The following NFAM1 variants were observed in gnomAD, a reference collection of about 807,000 sequenced individuals.
NFAM1 encodes the protein NFAT activating protein with ITAM motif 1.
In NFAM1, 17 loss-of-function variants were observed where a neutral mutation model predicts 29.0. The observed-to-expected ratio is 0.59, with a 90% confidence interval of 0.40 to 0.88. The LOEUF (loss-of-function observed/expected upper bound fraction) is 0.88, where lower values mean the gene tolerates loss of function less well. Ranked by LOEUF, NFAM1 falls within the 40% of genes least tolerant of loss-of-function variation. NFAM1 has a pLI of 0.00. For missense variants in NFAM1, 324 were observed against 344.6 expected (o/e 0.94, Z 0.47); for synonymous variants, 175 against 147.2 (o/e 1.19, Z -1.36).
At chr22:42,403,226 T>A (rs1929786689) in intron 3 of NFAM1, among the ~76,000 whole-genome samples, 1 of 152,190 alleles carries the variant, frequency 6.6e-6, no homozygotes, top group South Asian at 2.1e-4. Context: ...CAGCTCAAGC[T>A]CGCAGAGGTT....
intron 4 of NFAM1, among the ~76,000 whole-genome samples, chr22:42,395,532 G>T (rs1929490576): frequency 1.3e-5 from 2 of 150,808 alleles, no homozygotes; most frequent in Admixed American, 1.3e-4. Flanking sequence ...AATGAGGATT[G>T]GAAAGGAAAA....
rs1160497941 is a variant in NFAM1 at position 42,409,527 on chromosome 22, G to A, written c.472C>T (p.Pro158Ser). 1.3e-6 allele frequency: 2 copies of A among 1,541,256 alleles called. No homozygotes were observed. The highest frequency in any genetic ancestry group is 1.2e-5 in the South Asian group (1 of 81,638). The change falls in exon 3 of 6, where the codon CCG becomes TCG. Residue 158 changes from proline (P) to serine (S), a missense_variant. Pro to Ser is a moderately conservative substitution (Grantham distance 74, BLOSUM62 -1). Transcript: ENST00000329021. The surrounding 1 kb of genome is among the most constrained non-coding windows in gnomAD (Gnocchi z 4.9). ...LVRDAGYREP[P>S]QSPQKLLLFG... ...AGCAGGAGCTTCTGTGGACTCTGCGGGGGCTCTCGGTACCCTGCGTCTAGG... is the reference window on the plus strand; with the variant it reads ...AGCAGGAGCTTCTGTGGACTCTGCGAGGGCTCTCGGTACCCTGCGTCTAGG...
Position 42,409,582 on chromosome 22 carries a change from G to T in NFAM1, c.452-35C>A. 9.0e-7 allele frequency: 1 copy of T among 1,115,108 alleles called. No homozygotes were observed. The highest frequency in any genetic ancestry group is 1.7e-5 in the South Asian group (1 of 57,314). The allele number at this position is 1,115,108 out of a possible 1,614,324, so 69.1% of individuals were successfully genotyped here. A position where few individuals can be genotyped will look rare whatever the true frequency, so the allele number is the denominator to read the frequency against. On this transcript the variant is annotated intron_variant, in intron 2 of 5. Coordinates refer to ENST00000329021, the MANE Select transcript of NFAM1 (RefSeq NM_145912.8). This position sits in a 1 kb window ranked among gnomAD's most constrained non-coding sequence, Gnocchi z 4.9. ...AGCGCAGGGGAGCAGAGGGGTCAGTGACCCAGGAGAAAGCGGGGCACACAC... is the reference window on the plus strand; with the variant it reads ...AGCGCAGGGGAGCAGAGGGGTCAGTTACCCAGGAGAAAGCGGGGCACACAC...
intron 4 of NFAM1, among the ~76,000 whole-genome samples, chr22:42,387,416 T>C (rs1365177111): frequency 6.6e-6 from 1 of 151,862 alleles, no homozygotes; most frequent in Non-Finnish European, 1.5e-5. Flanking sequence ...TGCCTGTCCC[T>C]AGGCTCTTAA....
intron 3 of NFAM1, among the ~76,000 whole-genome samples, chr22:42,401,743 C>G (rs1021214850): frequency 6.6e-6 from 1 of 152,150 alleles, no homozygotes; most frequent in Admixed American, 6.5e-5. Context: ...CCAAGTCTCC[C>G]CTCCCTAGTA....
In NFAM1 at chr22:42,387,089, C is replaced by T. The variant is rs749377063; in HGVS notation, c.664-11G>A. On this transcript the variant is annotated splice_polypyrimidine_tract_variant and intron_variant, in intron 4 of 5. Coordinates refer to ENST00000329021, the MANE Select transcript of NFAM1 (RefSeq NM_145912.8). ...GCGGCGCTGCAGAGCCTACAGGAAACGGGGTGCCAGGATCAGGGGCAAGTG... is the reference window on the plus strand; with the variant it reads ...GCGGCGCTGCAGAGCCTACAGGAAATGGGGTGCCAGGATCAGGGGCAAGTG... 2.8e-5 allele frequency: 43 copies of T among 1,541,320 alleles called. No homozygotes were observed. The highest frequency in any genetic ancestry group is 3.4e-4 in the Middle Eastern group (2 of 5,920).
In NFAM1 at chr22:42,409,350, C is replaced by T; in HGVS notation, c.564+85G>A. On this transcript the variant is annotated intron_variant, in intron 3 of 5. Coordinates refer to ENST00000329021, the MANE Select transcript of NFAM1 (RefSeq NM_145912.8). The surrounding 1 kb of genome is among the most constrained non-coding windows in gnomAD (Gnocchi z 4.9). ...ATGTGGATGTGCCCTCACCAGGGCC[C>T]ACCAAACGCCCTGCAGAGGGCAGGC... The T allele has an allele frequency of 3.0e-6, 2 of 676,028 alleles. No individual in the cohort carries two copies. The highest frequency in any genetic ancestry group is 5.5e-5 in the South Asian group (2 of 36,674). 41.9% of individuals were successfully genotyped at this position (676,028 alleles called of 1,614,324 possible). A position where few individuals can be genotyped will look rare whatever the true frequency, so the allele number is the denominator to read the frequency against.
At position 42,384,693 on chromosome 22, in the gene NFAM1, T is replaced by C; in HGVS notation, c.*468A>G. On this transcript the variant is annotated 3_prime_UTR_variant, in exon 6 of 6. Coordinates refer to ENST00000329021, the MANE Select transcript of NFAM1 (RefSeq NM_145912.8). ...CTGGGTAGGTAGGGATTTGCATAGC[T>C]GCTCCCCAGCTCCTCCATACCTCGG... 5.6e-6 allele frequency: 1 copy of C among 177,958 alleles called. No homozygotes were observed. The highest frequency in any genetic ancestry group is 1.2e-4 in the South Asian group (1 of 8,342). The allele number at this position is 177,958 out of a possible 1,614,324, so 11.0% of individuals were successfully genotyped here. A position where few individuals can be genotyped will look rare whatever the true frequency, so the allele number is the denominator to read the frequency against.
intron 1 of NFAM1, among the ~76,000 whole-genome samples, chr22:42,422,513 G>A (rs983105871): frequency 2.0e-5 from 3 of 152,114 alleles, no homozygotes; most frequent in Admixed American, 2.0e-4. Flanking sequence ...GGCTGGGCAG[G>A]AGAATCGCTT....
rs777944738 is a variant in NFAM1, at chr22:42,409,251, G to A, written c.564+184C>T. On this transcript the variant is annotated intron_variant, in intron 3 of 5. Coordinates refer to ENST00000329021, the MANE Select transcript of NFAM1 (RefSeq NM_145912.8). The surrounding 1 kb of genome is among the most constrained non-coding windows in gnomAD (Gnocchi z 4.9). ...GCAACAAGATCAAAAGGCACCCCAT[G>A]GCAGCACAGGGAGTGGCACAGGAGG... Among the ~76,000 whole-genome samples, 63 of 152,196 alleles carry A rather than the reference G, an allele frequency of 4.1e-4. No homozygotes were observed. Among genetic ancestry groups the A allele is most frequent in the Non-Finnish European group, 8.2e-4 (56 of 68,038 alleles).
chr22:42,392,943 G>C (rs766426495), intron 4 of NFAM1, among the ~76,000 whole-genome samples: 12 of 152,156 alleles, frequency 7.9e-5, no homozygotes, highest in South Asian at 2.1e-4. Context: ...GAGGCAACAG[G>C]TGTGCACCAC....
At chr22:42,412,926 A>C (rs1372104706) in intron 1 of NFAM1, among the ~76,000 whole-genome samples, 1 of 152,160 alleles carries the variant, frequency 6.6e-6, no homozygotes, top group African/African-American at 2.4e-5. Flanking sequence ...CACTCATCAG[A>C]GGCACCTCAG....
chr22:42,391,194 C>T (rs983049143), intron 4 of NFAM1, among the ~76,000 whole-genome samples: 1 of 152,198 alleles, frequency 6.6e-6, no homozygotes, highest in Non-Finnish European at 1.5e-5. Context: ...CAGCCCCTTC[C>T]TCATCTTCTC....
chr22:42,395,598 G>C (rs1223355423), intron 4 of NFAM1, among the ~76,000 whole-genome samples: 1 of 150,932 alleles, frequency 6.6e-6, no homozygotes, highest in Non-Finnish European at 1.5e-5. Context: ...AAATCCAAAG[G>C]AAGGCCAGGC....
At chr22:42,391,566 A>C (rs1929342707) in intron 4 of NFAM1, among the ~76,000 whole-genome samples, 1 of 152,100 alleles carries the variant, frequency 6.6e-6, no homozygotes, top group African/African-American at 2.4e-5. Flanking sequence ...TGGAGAGAAC[A>C]ACTTCAACAT....
upstream of NFAM1, among the ~76,000 whole-genome samples, chr22:42,436,709 C>G (rs1472719920): frequency 1.3e-5 from 2 of 152,238 alleles, no homozygotes; most frequent in African/African-American, 4.8e-5. Flanking sequence ...TACTTCAGCC[C>G]TCATAGAAAC....
Position 42,409,551 on chromosome 22 carries a change from G to A in NFAM1, c.452-4C>T. 2.0e-6 allele frequency: 3 copies of A among 1,471,942 alleles called. No homozygotes were observed. Among genetic ancestry groups the A allele is most frequent in the Non-Finnish European group, 2.7e-6 (3 of 1,098,214 alleles). The allele number at this position is 1,471,942 out of a possible 1,614,324, so 91.2% of individuals were successfully genotyped here. A position where few individuals can be genotyped will look rare whatever the true frequency, so the allele number is the denominator to read the frequency against. Reference sequence around the variant, plus strand: ...GGGGGCTCTCGGTACCCTGCGTCTAGGAGGAAGCGCAGGGGAGCAGAGGGG... The same window carrying A: ...GGGGGCTCTCGGTACCCTGCGTCTAAGAGGAAGCGCAGGGGAGCAGAGGGG... On this transcript the variant is annotated splice_region_variant and splice_polypyrimidine_tract_variant and intron_variant, in intron 2 of 5. Coordinates refer to ENST00000329021, the MANE Select transcript of NFAM1 (RefSeq NM_145912.8). The surrounding 1 kb of genome is among the most constrained non-coding windows in gnomAD (Gnocchi z 4.9).
In NFAM1 at chr22:42,419,090, G is replaced by T. The variant is rs1391830614; in HGVS notation, c.122-7354C>A. Among the ~76,000 whole-genome samples, 1 of 152,190 alleles carries T rather than the reference G, an allele frequency of 6.6e-6. No individual in the cohort carries two copies. The highest frequency in any genetic ancestry group is 1.9e-4 in the East Asian group (1 of 5,184). On this transcript the variant is annotated intron_variant, in intron 1 of 5. Coordinates refer to ENST00000329021, the MANE Select transcript of NFAM1 (RefSeq NM_145912.8). This position sits in a 1 kb window ranked among gnomAD's most constrained non-coding sequence, Gnocchi z 4.5. ...GCTATCCTCCCACACCTGGCGCGGG[G>T]ACCACATGCCGAGTGAGTCCCTGGC...
At chr22:42,394,612 C>T (rs35831717) in intron 4 of NFAM1, among the ~76,000 whole-genome samples, 25,365 of 152,078 alleles carry the variant, frequency 0.17, 2,267 homozygotes, top group African/African-American at 0.21. Context: ...AAAGCCATAT[C>T]AAAGGGAAGT....
Sources: gnomAD v4.1 joint callset for allele counts (sites outside exome capture counted in the v4.1 genomes callset) on GRCh38, gnomAD v4.1.1 for gene constraint, Gnocchi (gnomAD v3.1) non-coding constraint, MANE v1.5 for transcripts, NCBI Gene and HGNC (gene_info 2026-07-23, HGNC 2026-07-21) for gene names.